MRGPRX4: variants seen among roughly 807,000 people sequenced by gnomAD.
MRGPRX4 encodes MAS related GPR family member X4, also known as mas-related G protein-coupled receptor member X4.
In MRGPRX4, 13 loss-of-function variants were observed where a neutral mutation model predicts 17.8. That is an observed-to-expected ratio of 0.73 (90% CI 0.48 to 1.16). The LOEUF (loss-of-function observed/expected upper bound fraction) is 1.16. Ranked by LOEUF, MRGPRX4 falls within the 50% of genes most tolerant of loss-of-function variation. The pLI is 0.00. For missense variants in MRGPRX4, 399 were observed against 405.0 expected, an observed-to-expected ratio of 0.99 and a Z score of 0.13; for synonymous variants, 192 against 175.3, an observed-to-expected ratio of 1.10 and a Z score of -0.75.
Position 18,172,949 on chromosome 11 carries a change from C to T in MRGPRX4, c.-308C>T, listed in dbSNP as rs993276476. 11 of 312,212 alleles carry T rather than the reference C, an allele frequency of 3.5e-5. No homozygotes were observed. The highest frequency in any genetic ancestry group is 2.3e-4 in the African/African-American group (11 of 46,888). 19.3% of individuals were successfully genotyped at this position (312,212 alleles called of 1,614,324 possible). A position where few individuals can be genotyped will look rare whatever the true frequency, so the allele number is the denominator to read the frequency against. On this transcript the variant is annotated 5_prime_UTR_variant, in exon 1 of 1. Coordinates refer to ENST00000314254, the MANE Select transcript of MRGPRX4 (RefSeq NM_054032.3). ...TTCAGACCCAGGATAGATTAATCAT[C>T]GGGTCCAAAGCCCTGGCCGGATGAG... is the stretch of plus-strand genomic sequence containing the variant.
At chr11:18,174,130 C>T in the MRGPRX4 span, 1 of 1,614,164 alleles carries the variant, frequency 6.2e-7, no homozygotes, top group Non-Finnish European at 8.5e-7. Context: ...GCTGGTTCTC[C>T]AGAGGGCTCT....
rs745525058 is a variant in MRGPRX4 at position 18,173,970 on chromosome 11, A to G, written c.714A>G (p.Leu238=). Residue 238 remains leucine, a synonymous_variant, in exon 1 of 1, where the codon CTA becomes CTG. Transcript: ENST00000314254. ...CGLPFGILGA[L]IYRMHLNLEV... ...TGCCCTTCGGCATTCTGGGGGCCCTAATTTACAGGATGCACCTGAATTTGG... is the reference window on the plus strand; with the variant it reads ...TGCCCTTCGGCATTCTGGGGGCCCTGATTTACAGGATGCACCTGAATTTGG... The G allele has an allele frequency of 7.4e-6, 12 of 1,613,966 alleles. No homozygotes were observed. Among genetic ancestry groups the G allele is most frequent in the Non-Finnish European group, 1.0e-5 (12 of 1,180,018 alleles).
rs1455088238 is a variant in MRGPRX4 at position 18,173,512 on chromosome 11, C to G, written c.256C>G (p.Arg86Gly). 6.2e-7 allele frequency: 1 copy of G among 1,614,140 alleles called. No homozygotes were observed. Among genetic ancestry groups the G allele is most frequent in the South Asian group, 1.1e-5 (1 of 91,064 alleles). Residue 86 changes from arginine (R) to glycine (G), a missense_variant, in exon 1 of 1, where the codon CGC becomes GGC. By Grantham distance (125) the Arg-to-Gly change is moderately radical. Coordinates refer to ENST00000314254, the MANE Select transcript of MRGPRX4 (RefSeq NM_054032.3). ...LSFQIIRLPL[R>G]LINISHLIRK... is the part of the protein sequence containing the mutation. ...CTTCCAGATTATACGTTTGCCATTA[C>G]GCCTCATCAATATCAGCCATCTCAT...
Position 18,174,011 on chromosome 11 carries a change from A to C in MRGPRX4, c.755A>C (p.His252Pro). 1 of 1,614,080 alleles carries C rather than the reference A, an allele frequency of 6.2e-7. No individual in the cohort carries two copies. Among genetic ancestry groups the C allele is most frequent in the South Asian group, 1.1e-5 (1 of 91,080 alleles). ...CTGAATTTGGAAGTCTTATATTGTC[A>C]TGTTTATCTGGTTTGCATGTCCCTG... ...MHLNLEVLYC[H>P]VYLVCMSLSS... is the part of the protein sequence containing the mutation. Residue 252 changes from histidine (H) to proline (P), a missense_variant, in exon 1 of 1, where the codon CAT (histidine) becomes CCT (proline). By Grantham distance (77) the His-to-Pro change is moderately conservative (BLOSUM62 -2). Transcript: ENST00000314254.
rs1849352078 is a variant in MRGPRX4 at position 18,174,257 on chromosome 11, A to G, written c.*32A>G. The G allele has an allele frequency of 6.3e-7, 1 of 1,585,326 alleles. No individual in the cohort carries two copies. Among genetic ancestry groups the G allele is most frequent in the African/African-American group, 1.4e-5 (1 of 73,764 alleles). On this transcript the variant is annotated 3_prime_UTR_variant, in exon 1 of 1. Coordinates refer to ENST00000314254, the MANE Select transcript of MRGPRX4 (RefSeq NM_054032.3). ...GCCTCTGCCCTGTCAGTCAGACGGG[A>G]CTTTGAGAGCAACACTGTCCTGCCA...
In MRGPRX4 at chr11:18,173,572, T is replaced by C. The variant is rs1849341834; in HGVS notation, c.316T>C (p.Tyr106His). The C allele has an allele frequency of 6.2e-7, 1 of 1,614,044 alleles. No homozygotes were observed. Among genetic ancestry groups the C allele is most frequent in the Admixed American group, 1.7e-5 (1 of 60,010 alleles). Reference sequence around the variant, plus strand: ...CCTCGTTTCTGTGATGACCTTTCCCTACTTTACAGGCCTGAGTATGCTGAG... The same window carrying C: ...CCTCGTTTCTGTGATGACCTTTCCCCACTTTACAGGCCTGAGTATGCTGAG... ...KILVSVMTFP[Y>H]FTGLSMLSAI... is the part of the protein sequence containing the mutation. Residue 106 changes from tyrosine (Y) to histidine (H), a missense_variant, in exon 1 of 1, where the codon TAC (tyrosine) becomes CAC (histidine). Tyr to His is a moderately conservative substitution (Grantham distance 83, BLOSUM62 2). Transcript: ENST00000314254.
chr11:18,173,432 A>G lies in MRGPRX4; in HGVS notation c.176A>G (p.Asn59Ser). 1 of 1,614,174 alleles carries G rather than the reference A, an allele frequency of 6.2e-7. No homozygotes were observed. The highest frequency in any genetic ancestry group is 1.3e-5 in the African/African-American group (1 of 75,034). ...CTCCTGGGCTACCGCATGCGCAGGA[A>G]CGCTGTCTCCATCTACATCCTCAAC... ...LWLLGYRMRR[N>S]AVSIYILNLA... Residue 59 changes from asparagine to serine, a missense_variant, in exon 1 of 1, where the codon AAC becomes AGC. Transcript: ENST00000314254.
rs1440969191 is a variant in MRGPRX4 at position 18,173,235 on chromosome 11, C to T, written c.-22C>T. The T allele has an allele frequency of 1.9e-6, 3 of 1,568,022 alleles. No homozygotes were observed. Among genetic ancestry groups the T allele is most frequent in the African/African-American group, 1.4e-5 (1 of 73,850 alleles). ...CACATCTGGTTTGTGTTCCCAGGGG[C>T]ACCAGACTAGGGTTTCTGAGCATGG... On this transcript the variant is annotated 5_prime_UTR_variant, in exon 1 of 1. Coordinates refer to ENST00000314254, the MANE Select transcript of MRGPRX4 (RefSeq NM_054032.3).
Position 18,174,219 on chromosome 11 carries a change from G to T in MRGPRX4, c.963G>T (p.Gly321=), listed in dbSNP as rs1849351553. The part of the protein sequence containing the change: ...ESLELSGSRL[G]P Reference sequence around the variant, plus strand: ...TGGAGCTGTCGGGAAGCAGATTGGGGCCATGAGGGAGAGCCTCTGCCCTGT... The same window carrying T: ...TGGAGCTGTCGGGAAGCAGATTGGGTCCATGAGGGAGAGCCTCTGCCCTGT... Residue 321 remains glycine, a synonymous_variant, in exon 1 of 1, where the codon GGG becomes GGT. Transcript: ENST00000314254. The T allele has an allele frequency of 6.2e-7, 1 of 1,611,538 alleles. No individual in the cohort carries two copies. The highest frequency in any genetic ancestry group is 1.1e-5 in the South Asian group (1 of 90,908).
chr11:18,173,263 C>T lies in MRGPRX4; in HGVS notation c.7C>T (p.Pro3Ser), dbSNP rs183005315. Residue 3 changes from proline (P) to serine (S), a missense_variant, in exon 1 of 1, where the codon CCA becomes TCA. By Grantham distance (74) the Pro-to-Ser change is moderately conservative. Transcript: ENST00000314254. ...CAGACTAGGGTTTCTGAGCATGGAT[C>T]CAACCGTCCCAGTCTTCGGTACAAA... The part of the protein sequence containing the change: MD[P>S]TVPVFGTKLT... The T allele has an allele frequency of 6.9e-6, 11 of 1,595,866 alleles. No individual in the cohort carries two copies. The Admixed American group carries it at 1.2e-4, about 17-fold the overall frequency.
In MRGPRX4 at chr11:18,173,123, G is replaced by A. The variant is rs966414112; in HGVS notation, c.-134G>A. On this transcript the variant is annotated 5_prime_UTR_variant, in exon 1 of 1. Transcript: ENST00000314254. ...TTGGTAAGTGACTTATTATCTGCGA[G>A]CCTCTGTTTCTCTCTTCTTTAAATG... is the stretch of plus-strand genomic sequence containing the variant. 5 of 1,215,916 alleles carry A rather than the reference G, an allele frequency of 4.1e-6. No individual in the cohort carries two copies. The highest frequency in any genetic ancestry group is 4.6e-6 in the Non-Finnish European group (4 of 867,400). The allele number at this position is 1,215,916 out of a possible 1,614,324, so 75.3% of individuals were successfully genotyped here.
rs1271726296 is a variant in MRGPRX4, at chr11:18,173,472, C to A, written c.216C>A (p.Asp72Glu). 16 of 1,614,120 alleles carry A rather than the reference C, an allele frequency of 9.9e-6. No individual in the cohort carries two copies. Among genetic ancestry groups the A allele is most frequent in the Non-Finnish European group, 1.4e-5 (16 of 1,180,060 alleles). ...ACATCCTCAACCTGGCCGCAGCAGA[C>A]TTCCTCTTCCTCAGCTTCCAGATTA... ...SIYILNLAAA[D>E]FLFLSFQIIR... Residue 72 changes from aspartate to glutamate, a missense_variant, in exon 1 of 1, where the codon GAC (aspartate) becomes GAA (glutamate). By Grantham distance (45) the Asp-to-Glu change is conservative. Coordinates refer to ENST00000314254, the MANE Select transcript of MRGPRX4 (RefSeq NM_054032.3).
chr11:18,173,742 C>T lies in MRGPRX4; in HGVS notation c.486C>T (p.Asp162=). Residue 162 remains aspartate (D), a synonymous_variant, in exon 1 of 1, where the codon GAC becomes GAT. Transcript: ENST00000314254. ...GTATGCTGGAGTGGAGGTTCTGTGA[C>T]TTCCTGTTTAGTGGTGCTGATTCTA... ...LFSMLEWRFC[D]FLFSGADSSW... is the part of the protein sequence containing the mutation. 1 of 1,614,124 alleles carries T rather than the reference C, an allele frequency of 6.2e-7. No individual in the cohort carries two copies. The highest frequency in any genetic ancestry group is 8.5e-7 in the Non-Finnish European group (1 of 1,180,022).
In MRGPRX4 at chr11:18,173,581, G is replaced by T; in HGVS notation, c.325G>T (p.Gly109Cys). 6.2e-7 allele frequency: 1 copy of T among 1,614,122 alleles called. No homozygotes were observed. The highest frequency in any genetic ancestry group is 8.5e-7 in the Non-Finnish European group (1 of 1,180,028). The change falls in exon 1 of 1, where the codon GGC becomes TGC. Residue 109 changes from glycine (G) to cysteine (C), a missense_variant. Coordinates refer to ENST00000314254, the MANE Select transcript of MRGPRX4 (RefSeq NM_054032.3). Reference protein sequence around the residue: ...VSVMTFPYFTGLSMLSAISTE... With the variant: ...VSVMTFPYFTCLSMLSAISTE... ...TGTGATGACCTTTCCCTACTTTACA[G>T]GCCTGAGTATGCTGAGCGCCATCAG...
rs1849339665 is a variant in MRGPRX4, at chr11:18,173,401, CTCT to C, written c.146_148del (p.Leu49_Trp50delinsArg). On this transcript the variant is annotated inframe_deletion, in exon 1 of 1. Transcript: ENST00000314254. ...CGGACTGACAGGAAACGCGGTTGTG[CTCT>C]GGCTCCTGGGCTACCGCATGCGCAG... 6.2e-7 allele frequency: 1 copy of C among 1,614,060 alleles called. No homozygotes were observed. Among genetic ancestry groups the C allele is most frequent in the African/African-American group, 1.3e-5 (1 of 74,908 alleles).
At position 18,173,391 on chromosome 11, in the gene MRGPRX4, C is replaced by T. The variant is rs746707315; in HGVS notation, c.135C>T (p.Asn45=). 3 of 1,614,168 alleles carry T rather than the reference C, an allele frequency of 1.9e-6. No homozygotes were observed. Among genetic ancestry groups the T allele is most frequent in the South Asian group, 1.1e-5 (1 of 91,068 alleles). ...TTTCCCTTGTCGGACTGACAGGAAA[C>T]GCGGTTGTGCTCTGGCTCCTGGGCT... The part of the protein sequence containing the change: ...CIISLVGLTG[N]AVVLWLLGYR... The change falls in exon 1 of 1, where the codon AAC becomes AAT. Residue 45 remains asparagine (N), a synonymous_variant. Transcript: ENST00000314254.
rs141631856 is a variant in MRGPRX4 at position 18,173,494 on chromosome 11, A to C, written c.238A>C (p.Ile80Leu). The C allele has an allele frequency of 1.4e-5, 23 of 1,614,118 alleles. No individual in the cohort carries two copies. In the African/African-American group the frequency reaches 2.9e-4, roughly 21 times the overall value. ...AADFLFLSFQ[I>L]IRLPLRLINI... ...AGACTTCCTCTTCCTCAGCTTCCAG[A>C]TTATACGTTTGCCATTACGCCTCAT... The change falls in exon 1 of 1, where the codon ATT becomes CTT. Residue 80 changes from isoleucine to leucine, a missense_variant. Ile to Leu is a conservative substitution (Grantham distance 5, BLOSUM62 2). Coordinates refer to ENST00000314254, the MANE Select transcript of MRGPRX4 (RefSeq NM_054032.3).
chr11:18,173,477 T>A lies in MRGPRX4; in HGVS notation c.221T>A (p.Leu74His), dbSNP rs1238476192. Residue 74 changes from leucine to histidine, a missense_variant, in exon 1 of 1, where the codon CTC becomes CAC. Leu to His is a moderately conservative substitution (Grantham distance 99). Coordinates refer to ENST00000314254, the MANE Select transcript of MRGPRX4 (RefSeq NM_054032.3). ...YILNLAAADFLFLSFQIIRLP... is the reference protein window; with the variant it reads ...YILNLAAADFHFLSFQIIRLP... ...CTCAACCTGGCCGCAGCAGACTTCC[T>A]CTTCCTCAGCTTCCAGATTATACGT... 5 of 1,614,226 alleles carry A rather than the reference T, an allele frequency of 3.1e-6. No homozygotes were observed. The highest frequency in any genetic ancestry group is 1.6e-4 in the Middle Eastern group (1 of 6,062).
At position 18,174,236 on chromosome 11, in the gene MRGPRX4, C is replaced by CT. The variant is rs776660303; in HGVS notation, c.*12dup. On this transcript the variant is annotated 3_prime_UTR_variant, in exon 1 of 1. Coordinates refer to ENST00000314254, the MANE Select transcript of MRGPRX4 (RefSeq NM_054032.3). ...AGATTGGGGCCATGAGGGAGAGCCT[C>CT]TGCCCTGTCAGTCAGACGGGACTTT... 1.2e-6 allele frequency: 2 copies of CT among 1,601,572 alleles called. No homozygotes were observed. Among genetic ancestry groups the CT allele is most frequent in the Non-Finnish European group, 1.7e-6 (2 of 1,172,732 alleles).
Sources: gnomAD v4.1 joint callset for allele counts on GRCh38, gnomAD v4.1.1 for gene constraint, MANE v1.5 for transcripts, NCBI Gene and HGNC (gene_info 2026-07-23, HGNC 2026-07-21) for gene names.